CFAP43: variants seen among roughly 807,000 people sequenced by gnomAD.
CFAP43 encodes cilia and flagella associated protein 43.
Under a neutral mutation model 218.9 loss-of-function variants are expected in CFAP43, and 155 were observed. The ratio of observed to expected loss-of-function variants is 0.71; its 90% CI spans 0.62 to 0.81. CFAP43 has a LOEUF of 0.81. Ranked by LOEUF, CFAP43 falls within the 30% of genes least tolerant of loss-of-function variation. The probability of loss-of-function intolerance (pLI) is 0.00; values close to 1 mark genes in which losing one functional copy is unlikely to be tolerated. For synonymous variants in CFAP43, 645 were observed against 681.3 expected, an observed-to-expected ratio of 0.95 and a Z score of 0.83; for missense variants, 1,778 against 1,954.3, an observed-to-expected ratio of 0.91 and a Z score of 1.70.
chr10:104,229,525 A>C (rs1004196496), intron 2 of CFAP43, among the ~76,000 whole-genome samples: 2 of 150,660 alleles, frequency 1.3e-5, no homozygotes, highest in Non-Finnish European at 3.0e-5. Context: ...AAAGCCGAGC[A>C]TGGTGGCGCA....
intron 27 of CFAP43, among the ~76,000 whole-genome samples, chr10:104,154,395 C>T (rs2088432212): frequency 2.0e-5 from 3 of 152,068 alleles, no homozygotes; most frequent in Admixed American, 1.3e-4. Flanking sequence ...GATGCCAGGA[C>T]AAAGACCATC....
intron 19 of CFAP43, among the ~76,000 whole-genome samples, chr10:104,172,952 A>G (rs2089470444): frequency 6.6e-6 from 1 of 152,206 alleles, no homozygotes; most frequent in African/African-American, 2.4e-5. Context: ...GCATTGGTGA[A>G]ATGATATTGG....
At chr10:104,162,206 A>G in intron 25 of CFAP43, 111 bp downstream of exon 25, 3 of 1,254,134 alleles carry the variant, frequency 2.4e-6, no homozygotes, top group Non-Finnish European at 2.3e-6. Flanking sequence ...ACTGAGATTC[A>G]AGTGACCTCT....
intron 29 of CFAP43, 87 bp downstream of exon 29, chr10:104,147,804 G>A: frequency 1.3e-6 from 1 of 799,468 alleles, no homozygotes; most frequent in Non-Finnish European, 1.8e-6. Context: ...AGGAAGGAAG[G>A]AAGGGTCTAG....
At chr10:104,197,145 A>G (rs1292254097) in intron 9 of CFAP43, among the ~76,000 whole-genome samples, 1 of 152,208 alleles carries the variant, frequency 6.6e-6, no homozygotes. Context: ...ATACATAACT[A>G]ATTAGTATTA....
intron 3 of CFAP43, 130 bp from the exon 4 acceptor site, chr10:104,214,556 A>T: frequency 1.2e-6 from 1 of 808,338 alleles, no homozygotes; most frequent in Non-Finnish European, 1.8e-6. Flanking sequence ...CAATGACCTT[A>T]ATGTCAAATT....
At chr10:104,217,325 TTTTTC>T (rs898181815) in intron 3 of CFAP43, among the ~76,000 whole-genome samples, 4 of 149,432 alleles carry the variant, frequency 2.7e-5, no homozygotes, top group African/African-American at 7.7e-5. Flanking sequence ...TCTTTCTTTC[TTTTTC>T]TTTTCTTTTC....
intron 5 of CFAP43, among the ~76,000 whole-genome samples, chr10:104,210,972 T>C (rs1047402435): frequency 6.6e-6 from 1 of 151,872 alleles, no homozygotes; most frequent in Non-Finnish European, 1.5e-5. Context: ...TTTGTATTTT[T>C]AGTAGAGACG....
At chr10:104,218,347 CAAAAAAAAAAAAAA>C (rs68078522) in intron 3 of CFAP43, among the ~76,000 whole-genome samples, 1 of 98,616 alleles carries the variant, frequency 1.0e-5, no homozygotes, top group Non-Finnish European at 2.3e-5. Flanking sequence ...GACTGTGTCT[CAAAAAAAAAAAAAA>C]AAAAAAAAAG....
At chr10:104,185,211 G>A in intron 15 of CFAP43, 65 bp from the exon 16 acceptor site, 3 of 1,590,770 alleles carry the variant, frequency 1.9e-6, no homozygotes, top group Non-Finnish European at 2.6e-6. Context: ...CTTTTCTAAT[G>A]GGGTTATATG....
In CFAP43 at chr10:104,187,246, A is replaced by T. The variant is rs556770531; in HGVS notation, c.1860+74T>A. ...CTATTCTGTTAAAGTGGTCAAGAGGATCACATCTAATCAGTATAATGTATC... is the reference window on the plus strand; with the variant it reads ...CTATTCTGTTAAAGTGGTCAAGAGGTTCACATCTAATCAGTATAATGTATC... On this transcript the variant is annotated intron_variant, in intron 14 of 37. Coordinates refer to ENST00000357060, the MANE Select transcript of CFAP43 (RefSeq NM_025145.7). 9 of 1,256,414 alleles carry T rather than the reference A, an allele frequency of 7.2e-6. No individual in the cohort carries two copies. The African/African-American group carries it at 1.2e-4, about 17-fold the overall frequency. 77.8% of individuals were successfully genotyped at this position (1,256,414 alleles called of 1,614,324 possible).
chr10:104,206,139 G>T lies in CFAP43; in HGVS notation c.896-109C>A, dbSNP rs911795216. On this transcript the variant is annotated intron_variant, in intron 6 of 37. Transcript: ENST00000357060. Reference sequence around the variant, plus strand: ...GATGTAAATCTTATAAGTTGTTTTTGAATTCTCTATCATCAGATCTATGTA... The same window carrying T: ...GATGTAAATCTTATAAGTTGTTTTTTAATTCTCTATCATCAGATCTATGTA... 4.8e-6 allele frequency: 4 copies of T among 841,416 alleles called. No individual in the cohort carries two copies. The Admixed American group carries it at 1.2e-4, about 25-fold the overall frequency. The allele number at this position is 841,416 out of a possible 1,614,324, so 52.1% of individuals were successfully genotyped here. A position where few individuals can be genotyped will look rare whatever the true frequency, so the allele number is the denominator to read the frequency against.
intron 7 of CFAP43, among the ~76,000 whole-genome samples, chr10:104,204,841 T>C (rs1004626527): frequency 6.6e-6 from 1 of 152,222 alleles, no homozygotes; most frequent in African/African-American, 2.4e-5. Context: ...ACATCTGGGA[T>C]AGTTACAACT....
chr10:104,228,276 T>C (rs553743644), intron 2 of CFAP43, among the ~76,000 whole-genome samples: 1 of 152,358 alleles, frequency 6.6e-6, no homozygotes, highest in Admixed American at 6.5e-5. Context: ...GAATAATCTA[T>C]ATTTTTTCTT....
intron 3 of CFAP43, chr10:104,218,758 C>G: frequency 1.8e-6 from 1 of 542,776 alleles, no homozygotes; most frequent in South Asian, 1.4e-5. Context: ...TTTCCCTCCC[C>G]ATTGGCTCCC....
chr10:104,166,764 T>A lies in CFAP43; in HGVS notation c.2809-46A>T, dbSNP rs199774294. On this transcript the variant is annotated intron_variant, in intron 22 of 37. Transcript: ENST00000357060. Reference sequence around the variant, plus strand: ...CACAGAAGTTATGCAATAATAAGAATCCTCTAAAGGGAAATTTTGTGACAA... The same window carrying A: ...CACAGAAGTTATGCAATAATAAGAAACCTCTAAAGGGAAATTTTGTGACAA... 1.1e-3 allele frequency: 1,694 copies of A among 1,498,348 alleles called. 1 individual carries two copies. Among genetic ancestry groups the A allele is most frequent in the Non-Finnish European group, 1.5e-3 (1,636 of 1,108,802 alleles). The allele number at this position is 1,498,348 out of a possible 1,614,324, so 92.8% of individuals were successfully genotyped here.
chr10:104,201,631 A>G (rs2090536169), intron 8 of CFAP43, among the ~76,000 whole-genome samples: 1 of 149,702 alleles, frequency 6.7e-6, no homozygotes, highest in Non-Finnish European at 1.5e-5. Context: ...AACTTATATT[A>G]TTGTTATTTG....
In CFAP43 at chr10:104,143,426, T is replaced by A; in HGVS notation, c.4158A>T (p.Lys1386Asn). 1.9e-6 allele frequency: 3 copies of A among 1,613,348 alleles called. No individual in the cohort carries two copies. The highest frequency in any genetic ancestry group is 2.5e-6 in the Non-Finnish European group (3 of 1,179,530). ...TAAATTAAGTTAAAATAGTATATAC[T>A]TTCTGTTCATTTTCCACTTTTGCTC... Reference protein sequence around the residue: ...TRRAKVENEQKVKQKAADLLE... With the variant: ...TRRAKVENEQNVKQKAADLLE... Residue 1386 changes from lysine to asparagine, a missense_variant and splice_region_variant, in exon 32 of 38, where the codon AAA becomes AAT. Physicochemically the swap from Lys to Asn is moderately conservative, Grantham distance 94 (BLOSUM62 0). This residue lies in a region of CFAP43 where 1,553 missense variants were observed against 1,685.2 expected (regional missense o/e 0.92). Coordinates refer to ENST00000357060, the MANE Select transcript of CFAP43 (RefSeq NM_025145.7).
chr10:104,200,526 C>A (rs2134939717), intron 8 of CFAP43, among the ~76,000 whole-genome samples: 1 of 152,008 alleles, frequency 6.6e-6, no homozygotes. Flanking sequence ...AAAAATTCAG[C>A]TGGGCATGGT....
Sources: allele counts gnomAD v4.1 joint callset (sites outside exome capture counted in the v4.1 genomes callset), GRCh38; gene constraint gnomAD v4.1.1; regional missense constraint gnomAD v4.1.1; transcripts MANE v1.5; gene names NCBI Gene and HGNC (gene_info 2026-07-23, HGNC 2026-07-21).